TBC1D12: variants seen among roughly 807,000 people sequenced by gnomAD.
TBC1D12 encodes TBC1 domain family, member 12.
TBC1D12 carries 56 observed loss-of-function variants against 86.7 expected under a neutral mutation model. The ratio of observed to expected loss-of-function variants is 0.65; its 90% CI spans 0.52 to 0.81. The LOEUF (loss-of-function observed/expected upper bound fraction) is 0.81, where lower values mean the gene tolerates loss of function less well. TBC1D12 is among the 30% of genes least tolerant of loss of function. The pLI is 0.00. For missense variants in TBC1D12, 1,023 were observed against 1,038.8 expected (o/e 0.98, Z 0.21); for synonymous variants, 421 against 411.7 (o/e 1.02, Z -0.27).
intron 10 of TBC1D12, 25 bp from the exon 11 acceptor site, chr10:94,522,319 A>C (rs752096186): frequency 5.3e-5 from 67 of 1,254,896 alleles, no homozygotes; most frequent in Non-Finnish European, 7.2e-5. Context: ...TACTTTCATA[A>C]TTTTATTGAT....
Position 94,402,625 on chromosome 10 carries a change from G to A in TBC1D12, c.12G>A (p.Pro4=). 5 of 1,611,822 alleles carry A rather than the reference G, an allele frequency of 3.1e-6. No homozygotes were observed. The highest frequency in any genetic ancestry group is 3.4e-6 in the Non-Finnish European group (4 of 1,179,630). The change falls in exon 1 of 13, where the codon CCG becomes CCA. Residue 4 remains proline, a synonymous_variant. Coordinates refer to ENST00000225235, the MANE Select transcript of TBC1D12 (RefSeq NM_015188.2). ...CCACCCACCCCCAGATGGTGGGTCC[G>A]GAGGATGCCGGAGCCTGCTCGGGAA... MVG[P]EDAGACSGRN...
At position 94,404,309 on chromosome 10, in the gene TBC1D12, T is replaced by A. The variant is rs139827280; in HGVS notation, c.971+725T>A. On this transcript the variant is annotated intron_variant, in intron 1 of 12. Coordinates refer to ENST00000225235, the MANE Select transcript of TBC1D12 (RefSeq NM_015188.2). Reference sequence around the variant, plus strand: ...TTTTCCCCAATAACTTTAGTTTTTTTAAAAAATGGTATTGTATTTGTGATT... The same window carrying A: ...TTTTCCCCAATAACTTTAGTTTTTTAAAAAAATGGTATTGTATTTGTGATT... Among the ~76,000 whole-genome samples, 472 of 152,284 alleles carry A rather than the reference T, an allele frequency of 3.1e-3. 3 individuals carry two copies. The highest frequency in any genetic ancestry group is 0.011 in the African/African-American group (439 of 41,566).
At chr10:94,470,084 GTACT>G (rs2055882116) in intron 2 of TBC1D12, among the ~76,000 whole-genome samples, 1 of 152,176 alleles carries the variant, frequency 6.6e-6, no homozygotes, top group South Asian at 2.1e-4. Context: ...ATGAAAATCA[GTACT>G]TACTTAAATT....
At chr10:94,512,637 T>C (rs1243063674) in intron 9 of TBC1D12, among the ~76,000 whole-genome samples, 1 of 152,104 alleles carries the variant, frequency 6.6e-6, no homozygotes, top group African/African-American at 2.4e-5. Context: ...AACAAACAAA[T>C]AAGTAAATCA....
chr10:94,530,400 A>G lies in TBC1D12; in HGVS notation c.2001-802A>G, dbSNP rs79188533. ...TGGAGGAAAAAGACAAAACAAAACA[A>G]TGGATGTTTGTGCAAGGGGAAGAGA... On this transcript the variant is annotated intron_variant, in intron 11 of 12. Transcript: ENST00000225235. Among the ~76,000 whole-genome samples the G allele has an allele frequency of 4.5e-3, 685 of 152,282 alleles. 6 individuals are homozygous for G. Among genetic ancestry groups the G allele is most frequent in the African/African-American group, 0.015 (636 of 41,562 alleles).
chr10:94,467,655 C>CT (rs34441108), intron 2 of TBC1D12, among the ~76,000 whole-genome samples: 61,610 of 151,824 alleles, frequency 0.41, 12,981 homozygotes, highest in East Asian at 0.73. Context: ...CACTCCCCCT[C>CT]TTTTTTTTAA....
At chr10:94,492,984 T>C (rs1435300119) in intron 3 of TBC1D12, among the ~76,000 whole-genome samples, 1 of 152,134 alleles carries the variant, frequency 6.6e-6, no homozygotes, top group African/African-American at 2.4e-5. Flanking sequence ...TGGACTGGGC[T>C]CAGTGGCTCA....
rs142582773 is a variant in TBC1D12 at position 94,521,659 on chromosome 10, G to T, written c.1762-296G>T. Reference sequence around the variant, plus strand: ...TATTTTGAAAGAATTCAGACTGAGAGGAAATGAAAACTAGGTAATACGCTG... The same window carrying T: ...TATTTTGAAAGAATTCAGACTGAGATGAAATGAAAACTAGGTAATACGCTG... On this transcript the variant is annotated intron_variant, in intron 9 of 12. Coordinates refer to ENST00000225235, the MANE Select transcript of TBC1D12 (RefSeq NM_015188.2). Among the ~76,000 whole-genome samples, 381 of 152,182 alleles carry T rather than the reference G, an allele frequency of 2.5e-3. 1 individual carries two copies. The highest frequency in any genetic ancestry group is 8.9e-3 in the African/African-American group (370 of 41,514).
At position 94,533,125 on chromosome 10, in the gene TBC1D12, A is replaced by G; in HGVS notation, c.*29A>G. On this transcript the variant is annotated 3_prime_UTR_variant, in exon 13 of 13. Transcript: ENST00000225235. ...TCAAAATTGACAGACTAACTGACAT[A>G]GAAAAAGTGGTTTTTGGATAAAGGT... 6.8e-7 allele frequency: 1 copy of G among 1,480,506 alleles called. No homozygotes were observed. The allele number at this position is 1,480,506 out of a possible 1,614,324, so 91.7% of individuals were successfully genotyped here. A position where few individuals can be genotyped will look rare whatever the true frequency, so the allele number is the denominator to read the frequency against.
chr10:94,531,787 A>ATGTTATTTTATTT, intron 12 of TBC1D12, among the ~76,000 whole-genome samples: 2 of 137,848 alleles, frequency 1.5e-5, no homozygotes, highest in Admixed American at 7.0e-5. Context: ...ATTTTATTTT[A>ATGTTATTTTATTT]TGTTATTTTA....
chr10:94,482,740 G>T (rs1357057756), intron 3 of TBC1D12, among the ~76,000 whole-genome samples: 1 of 152,034 alleles, frequency 6.6e-6, no homozygotes, highest in Non-Finnish European at 1.5e-5. Flanking sequence ...ATGAGCCACG[G>T]TGCCTGGCCC....
rs769813711 is a variant in TBC1D12 at position 94,442,036 on chromosome 10, C to T, written c.1095+17C>T. ...ATTCAGCAGGTAAGTACTGACATAG[C>T]CATGTAGTTTACCCTAGCTTTTCAA... On this transcript the variant is annotated intron_variant, in intron 2 of 12. Coordinates refer to ENST00000225235, the MANE Select transcript of TBC1D12 (RefSeq NM_015188.2). 6.3e-7 allele frequency: 1 copy of T among 1,592,784 alleles called. No homozygotes were observed. The highest frequency in any genetic ancestry group is 1.4e-5 in the African/African-American group (1 of 73,730).
At chr10:94,480,433 G>C (rs921855296) in intron 3 of TBC1D12, among the ~76,000 whole-genome samples, 6 of 152,022 alleles carry the variant, frequency 3.9e-5, no homozygotes, top group African/African-American at 7.3e-5. Context: ...AATGTAGTAG[G>C]CTTCTTTTTT....
At chr10:94,486,686 T>C (rs2056167517) in intron 3 of TBC1D12, among the ~76,000 whole-genome samples, 1 of 152,206 alleles carries the variant, frequency 6.6e-6, no homozygotes, top group South Asian at 2.1e-4. Context: ...ATCTCATTTT[T>C]TTGAATGTTT....
At chr10:94,468,168 TA>T (rs1346612997) in intron 2 of TBC1D12, among the ~76,000 whole-genome samples, 1 of 152,236 alleles carries the variant, frequency 6.6e-6, no homozygotes, top group Non-Finnish European at 1.5e-5. Context: ...TTTTGTGCTG[TA>T]AACTGCTTAT....
intron 2 of TBC1D12, among the ~76,000 whole-genome samples, chr10:94,467,027 GT>G (rs2055834911): frequency 6.6e-6 from 1 of 151,942 alleles, no homozygotes; most frequent in Non-Finnish European, 1.5e-5. Context: ...ACTTGAGTGG[GT>G]TTATGGTTTT....
chr10:94,528,822 CAA>C (rs754023345), intron 11 of TBC1D12, among the ~76,000 whole-genome samples: 45 of 99,690 alleles, frequency 4.5e-4, no homozygotes, highest in Admixed American at 4.4e-4. Context: ...ACTGTGTCTC[CAA>C]AAAAAAAAAA....
At chr10:94,483,039 C>CTTTTTTTTT (rs71031579) in intron 3 of TBC1D12, among the ~76,000 whole-genome samples, 1 of 124,614 alleles carries the variant, frequency 8.0e-6, no homozygotes, top group African/African-American at 3.1e-5. Flanking sequence ...TATTCTTCTT[C>CTTTTTTTTT]TTTTTTTTTT....
At chr10:94,518,130 C>T (rs920835029) in intron 9 of TBC1D12, among the ~76,000 whole-genome samples, 3 of 151,966 alleles carry the variant, frequency 2.0e-5, no homozygotes, top group South Asian at 2.1e-4. Flanking sequence ...CTCCAGCCTG[C>T]GTGATGGAGC....
Sources: allele counts gnomAD v4.1 joint callset (sites outside exome capture counted in the v4.1 genomes callset), GRCh38; gene constraint gnomAD v4.1.1; transcripts MANE v1.5; gene names NCBI Gene and HGNC (gene_info 2026-07-23, HGNC 2026-07-21).